NEMP2: variants seen among roughly 807,000 people sequenced by gnomAD.
NEMP2 encodes UPF0571 transmembrane protein.
A neutral mutation model predicts 54.2 loss-of-function variants in NEMP2; 53 were observed. That is an observed-to-expected ratio of 0.98 (90% CI 0.78 to 1.23). The LOEUF is 1.23. Ranked by LOEUF, NEMP2 falls within the 50% of genes most tolerant of loss-of-function variation. NEMP2 has a pLI of 0.00. For missense variants in NEMP2, 455 were observed against 511.3 expected, an observed-to-expected ratio of 0.89 and a Z score of 1.06; for synonymous variants, 197 against 190.3, an observed-to-expected ratio of 1.04 and a Z score of -0.29.
the NEMP2 span, among the ~76,000 whole-genome samples, chr2:190,488,103 A>G: frequency 6.6e-6 from 1 of 152,120 alleles, no homozygotes; most frequent in Non-Finnish European, 1.5e-5. This position sits in a 1 kb window ranked among gnomAD's most constrained non-coding sequence, Gnocchi z 6.4. Flanking sequence ...GGGTTTCACC[A>G]TGTTGGCCAG....
the NEMP2 span, among the ~76,000 whole-genome samples, chr2:190,598,371 T>C: frequency 6.6e-6 from 1 of 152,254 alleles, no homozygotes; most frequent in African/African-American, 2.4e-5. Context: ...TGCTTACAAG[T>C]GTTTTTAGGA....
chr2:190,551,049 A>G, the NEMP2 span, among the ~76,000 whole-genome samples: 1 of 148,400 alleles, frequency 6.7e-6, no homozygotes, highest in Non-Finnish European at 1.5e-5. Flanking sequence ...ACCCTTACAA[A>G]TCACTTGCTG....
chr2:190,606,466 C>T, the NEMP2 span, among the ~76,000 whole-genome samples: 1 of 152,238 alleles, frequency 6.6e-6, no homozygotes, highest in South Asian at 2.1e-4. Flanking sequence ...AATCCCAGCA[C>T]TTTGGGAGGC....
At chr2:190,427,160 T>C in the NEMP2 span, among the ~76,000 whole-genome samples, 1 of 152,260 alleles carries the variant, frequency 6.6e-6, no homozygotes, top group South Asian at 2.1e-4. Flanking sequence ...GGGTGCCTTG[T>C]TACCAACAGG....
At chr2:190,578,919 C>G in the NEMP2 span, among the ~76,000 whole-genome samples, 1 of 152,182 alleles carries the variant, frequency 6.6e-6, no homozygotes, top group Admixed American at 6.5e-5. This position sits in a 1 kb window ranked among gnomAD's most constrained non-coding sequence, Gnocchi z 4.4. Context: ...GGCCTCTGAT[C>G]TGACCCCAGG....
Position 190,509,153 on chromosome 2 carries a change from C to T in NEMP2, c.*36G>A. 6.4e-7 allele frequency: 1 copy of T among 1,550,946 alleles called. No homozygotes were observed. The highest frequency in any genetic ancestry group is 8.7e-7 in the Non-Finnish European group (1 of 1,146,640). ...TAGAATCCCTGCCCTTTGCCCACTT[C>T]CTTGTCCAGAATGAAGTCAACTTGA... On this transcript the variant is annotated 3_prime_UTR_variant, in exon 9 of 9. Transcript: ENST00000409150. The surrounding 1 kb of genome is among the most constrained non-coding windows in gnomAD (Gnocchi z 6.1).
chr2:190,618,779 A>G, the NEMP2 span, among the ~76,000 whole-genome samples: 5 of 152,126 alleles, frequency 3.3e-5, no homozygotes, highest in East Asian at 5.8e-4. Flanking sequence ...AGATCTCACT[A>G]TGTTGCCCAT....
the NEMP2 span, among the ~76,000 whole-genome samples, chr2:190,487,708 A>G: frequency 6.6e-6 from 1 of 152,232 alleles, no homozygotes. This position sits in a 1 kb window ranked among gnomAD's most constrained non-coding sequence, Gnocchi z 5.5. Flanking sequence ...ACTGCTTCAC[A>G]TTCATTATGA....
chr2:190,493,312 C>T, the NEMP2 span, among the ~76,000 whole-genome samples: 1 of 152,086 alleles, frequency 6.6e-6, no homozygotes, highest in Non-Finnish European at 1.5e-5. Context: ...GATAAAAGGC[C>T]TTGCCCAACA....
chr2:190,513,729 A>T lies in NEMP2; in HGVS notation c.953+724T>A, dbSNP rs1427764257. ...TCTGGTTATTTTTATTCATTCTTTA[A>T]GATTCAGCGTAGTAATATCTCTCCA... On this transcript the variant is annotated intron_variant, in intron 7 of 8. Coordinates refer to ENST00000409150, the MANE Select transcript of NEMP2 (RefSeq NM_001142645.2). The surrounding 1 kb of genome is among the most constrained non-coding windows in gnomAD (Gnocchi z 5.3). Among the ~76,000 whole-genome samples the T allele has an allele frequency of 6.6e-6, 1 of 152,178 alleles. No individual in the cohort carries two copies. The highest frequency in any genetic ancestry group is 1.5e-5 in the Non-Finnish European group (1 of 68,016).
the NEMP2 span, among the ~76,000 whole-genome samples, chr2:190,587,506 T>C: frequency 6.6e-6 from 1 of 152,318 alleles, no homozygotes; most frequent in African/African-American, 2.4e-5. The surrounding 1 kb of genome is among the most constrained non-coding windows in gnomAD (Gnocchi z 5.4). Flanking sequence ...GGCAGGCTAA[T>C]TTCTTGGTCT....
At chr2:190,489,911 A>G in the NEMP2 span, 1 of 1,500,458 alleles carries the variant, frequency 6.7e-7, no homozygotes, top group Non-Finnish European at 8.9e-7. The surrounding 1 kb of genome is among the most constrained non-coding windows in gnomAD (Gnocchi z 6.6). Context: ...AGTTCAGGCC[A>G]TGGGAAGTCA....
chr2:190,519,524 ACTTCTTAAAAG>A lies in NEMP2; in HGVS notation c.214-352_214-342del, dbSNP rs948279847. Among the ~76,000 whole-genome samples the A allele has an allele frequency of 5.9e-5, 9 of 152,176 alleles. No individual in the cohort carries two copies. Among genetic ancestry groups the A allele is most frequent in the Admixed American group, 2.0e-4 (3 of 15,270 alleles). ...GCATGAGCCACTGCATCCAGCCAAA[ACTTCTTAAAAG>A]CTTCTTAAAAACATGAGCAGAGGAG... On this transcript the variant is annotated intron_variant, in intron 2 of 8. Coordinates refer to ENST00000409150, the MANE Select transcript of NEMP2 (RefSeq NM_001142645.2). This position sits in a 1 kb window ranked among gnomAD's most constrained non-coding sequence, Gnocchi z 5.4.
upstream of NEMP2, chr2:190,535,859 CA>C (rs79818853): frequency 0.23 from 35,707 of 152,114 alleles, 5,045 homozygotes; most frequent in South Asian, 0.33. Context: ...AGCCCTGATC[CA>C]ATTCTTTCCT....
Position 190,516,262 on chromosome 2 carries a change from T to C in NEMP2, c.727+8A>G, listed in dbSNP as rs1690552063. 2 of 1,534,552 alleles carry C rather than the reference T, an allele frequency of 1.3e-6. No individual in the cohort carries two copies. The highest frequency in any genetic ancestry group is 1.8e-6 in the Non-Finnish European group (2 of 1,135,666). The stretch of plus-strand genomic sequence containing the variant: ...ATCACAGAGCATATTGTTTTTCTAT[T>C]TACCTACCTAATACATATATCCTGT... On this transcript the variant is annotated splice_region_variant and intron_variant, in intron 6 of 8. Coordinates refer to ENST00000409150, the MANE Select transcript of NEMP2 (RefSeq NM_001142645.2).
chr2:190,524,334 A>T (rs995667349), intron 2 of NEMP2, among the ~76,000 whole-genome samples: 1 of 152,128 alleles, frequency 6.6e-6, no homozygotes. Context: ...GATGAGGAAG[A>T]GGTTATCTAC....
At chr2:190,465,062 T>C in the NEMP2 span, 4 of 310,466 alleles carry the variant, frequency 1.3e-5, no homozygotes, top group Non-Finnish European at 1.9e-5. The surrounding 1 kb of genome is among the most constrained non-coding windows in gnomAD (Gnocchi z 4.6). Flanking sequence ...CCAGTTTTAT[T>C]ATAAGATAAC....
At chr2:190,498,707 CAAG>C in the NEMP2 span, among the ~76,000 whole-genome samples, 3 of 152,106 alleles carry the variant, frequency 2.0e-5, no homozygotes, top group African/African-American at 7.2e-5. This position sits in a 1 kb window ranked among gnomAD's most constrained non-coding sequence, Gnocchi z 5.9. Flanking sequence ...TACCTTAAAG[CAAG>C]AAGACTAAAC....
the NEMP2 span, chr2:190,463,685 T>C: frequency 1.3e-5 from 2 of 158,776 alleles, no homozygotes; most frequent in Non-Finnish European, 2.7e-5. This position sits in a 1 kb window ranked among gnomAD's most constrained non-coding sequence, Gnocchi z 4.4. Context: ...CTTGGCGTGA[T>C]GGTGCACACC....
Sources: gnomAD v4.1 joint callset for allele counts (sites outside exome capture counted in the v4.1 genomes callset) on GRCh38, gnomAD v4.1.1 for gene constraint, Gnocchi (gnomAD v3.1) non-coding constraint, MANE v1.5 for transcripts, NCBI Gene and HGNC (gene_info 2026-07-23, HGNC 2026-07-21) for gene names.